The following SNX29 variants were observed in gnomAD, a reference collection of about 807,000 sequenced individuals.
The protein encoded by SNX29 is sorting nexin-29.
SNX29 carries 78 observed loss-of-function variants against 102.1 expected under a neutral mutation model. The observed-to-expected ratio is 0.76, with a 90% CI of 0.64 to 0.92. The LOEUF (loss-of-function observed/expected upper bound fraction) is 0.92, where lower values mean the gene tolerates loss of function less well. SNX29 is among the 40% of genes least tolerant of loss of function. The pLI, the probability that SNX29 is intolerant of heterozygous loss-of-function variation, is 0.00. For synonymous variants in SNX29, 580 were observed against 414.5 expected, an observed-to-expected ratio of 1.40 and a Z score of -4.85; for missense variants, 1,280 against 1,061.7, an observed-to-expected ratio of 1.21 and a Z score of -2.86.
chr16:12,047,690 T>C (rs2050143481), intron 6 of SNX29, among the ~76,000 whole-genome samples: 1 of 141,648 alleles, frequency 7.1e-6, no homozygotes, highest in African/African-American at 2.6e-5. Flanking sequence ...GGAGTTTCAC[T>C]CTCGTTGCCC....
intron 20 of SNX29, among the ~76,000 whole-genome samples, chr16:12,531,200 G>C (rs1041781337): frequency 2.6e-5 from 4 of 152,224 alleles, no homozygotes; most frequent in Non-Finnish European, 5.9e-5. Flanking sequence ...ACAGCTGCAA[G>C]AAGCAGGGAG....
intron 20 of SNX29, among the ~76,000 whole-genome samples, chr16:12,544,927 A>G (rs945030354): frequency 3.3e-5 from 5 of 152,216 alleles, no homozygotes; most frequent in Non-Finnish European, 7.3e-5. Flanking sequence ...TGTTATCATC[A>G]TCCCTTGTTC....
chr16:12,476,769 C>A (rs2087673963), intron 18 of SNX29, among the ~76,000 whole-genome samples: 1 of 151,974 alleles, frequency 6.6e-6, no homozygotes, highest in South Asian at 2.1e-4. Context: ...TCTATGGTCG[C>A]CATACTAGAG....
intron 17 of SNX29, 94 bp downstream of exon 17, chr16:12,398,595 C>T: frequency 7.2e-7 from 1 of 1,397,548 alleles, no homozygotes. Context: ...AAACAGAAAT[C>T]ACTGTTGAGA....
chr16:12,258,946 G>A (rs2078654232), intron 14 of SNX29, among the ~76,000 whole-genome samples: 1 of 152,076 alleles, frequency 6.6e-6, no homozygotes, highest in African/African-American at 2.4e-5. Context: ...CTCTCACTAT[G>A]ATAGCCTGGT....
At chr16:12,458,102 C>T (rs779118770) in intron 18 of SNX29, among the ~76,000 whole-genome samples, 22 of 152,206 alleles carry the variant, frequency 1.4e-4, no homozygotes, top group African/African-American at 5.3e-4. Flanking sequence ...GCAAAAAAGA[C>T]TGTGCATCTG....
intron 14 of SNX29, among the ~76,000 whole-genome samples, chr16:12,260,141 CA>C (rs1410687787): frequency 1.3e-5 from 2 of 152,190 alleles, no homozygotes; most frequent in Non-Finnish European, 2.9e-5. Flanking sequence ...AGTGAGCTTT[CA>C]ACGTGATTTC....
chr16:12,567,444 C>G (rs754243722), intron 20 of SNX29, among the ~76,000 whole-genome samples: 23 of 152,256 alleles, frequency 1.5e-4, no homozygotes, highest in South Asian at 1.4e-3. Context: ...ATTCCTAGCC[C>G]CAGAATTTAT....
intron 16 of SNX29, among the ~76,000 whole-genome samples, chr16:12,394,540 C>T (rs2083651184): frequency 6.6e-6 from 1 of 152,198 alleles, no homozygotes; most frequent in African/African-American, 2.4e-5. Context: ...TGTGGGCCGA[C>T]TGGGCTCAGC....
At chr16:12,200,537 C>A (rs1377977724) in intron 14 of SNX29, among the ~76,000 whole-genome samples, 1 of 151,640 alleles carries the variant, frequency 6.6e-6, no homozygotes, top group East Asian at 1.9e-4. Context: ...GGATGGAGTG[C>A]AGTGGCACAA....
intron 20 of SNX29, chr16:12,527,271 C>T (rs764134458): frequency 2.8e-5 from 15 of 532,124 alleles, no homozygotes; most frequent in South Asian, 1.2e-4. Flanking sequence ...TCCATGTGAT[C>T]GTGTCCTTTC....
chr16:12,513,307 C>T (rs2089715886), intron 19 of SNX29, among the ~76,000 whole-genome samples: 1 of 147,258 alleles, frequency 6.8e-6, no homozygotes. Flanking sequence ...TTGCCCTCCT[C>T]TCCCCTTCTC....
At position 12,547,638 on chromosome 16, in the gene SNX29, G is replaced by A. The variant is rs72773347; in HGVS notation, c.2319-20868G>A. On this transcript the variant is annotated intron_variant, in intron 20 of 20. Coordinates refer to ENST00000566228, the MANE Select transcript of SNX29 (RefSeq NM_032167.5). ...CACCACTAAGCTGTCCCATGGGATG[G>A]AGATATGATTCCCACCCCAAGCACC... Among the ~76,000 whole-genome samples the A allele has an allele frequency of 5.7e-3, 863 of 152,192 alleles. 4 individuals carry two copies. Among genetic ancestry groups the A allele is most frequent in the Non-Finnish European group, 9.3e-3 (630 of 68,012 alleles).
chr16:12,070,328 T>G (rs1248050633), intron 10 of SNX29, among the ~76,000 whole-genome samples: 3 of 79,184 alleles, frequency 3.8e-5, no homozygotes, highest in African/African-American at 5.1e-5. Context: ...CCCTCCCCCC[T>G]CCCCCCACCC....
At chr16:12,431,729 G>A (rs1036207269) in intron 18 of SNX29, among the ~76,000 whole-genome samples, 1 of 152,154 alleles carries the variant, frequency 6.6e-6, no homozygotes, top group African/African-American at 2.4e-5. Flanking sequence ...GAATTGAGGG[G>A]TGTTGCTCTT....
intron 15 of SNX29, among the ~76,000 whole-genome samples, chr16:12,318,398 G>A (rs1057445226): frequency 1.3e-5 from 2 of 152,170 alleles, no homozygotes; most frequent in African/African-American, 4.8e-5. Flanking sequence ...CCAGCAGGTA[G>A]AGAGTGTTGG....
At chr16:12,022,216 T>C (rs2057047952) in intron 3 of SNX29, among the ~76,000 whole-genome samples, 1 of 151,948 alleles carries the variant, frequency 6.6e-6, no homozygotes, top group Non-Finnish European at 1.5e-5. Flanking sequence ...TTTTTTTTCT[T>C]TGAGGCAGAG....
intron 18 of SNX29, among the ~76,000 whole-genome samples, chr16:12,459,316 C>T: frequency 6.6e-6 from 1 of 151,920 alleles, no homozygotes; most frequent in East Asian, 1.9e-4. Flanking sequence ...TCAGCTCTCT[C>T]CCTGTCATAC....
chr16:12,281,350 C>T (rs756237790), intron 15 of SNX29, among the ~76,000 whole-genome samples: 6 of 151,556 alleles, frequency 4.0e-5, no homozygotes, highest in Non-Finnish European at 7.4e-5. Context: ...TCTGCACATA[C>T]ACACTACACA....
Sources: allele counts gnomAD v4.1 joint callset (sites outside exome capture counted in the v4.1 genomes callset), GRCh38; gene constraint gnomAD v4.1.1; transcripts MANE v1.5; gene names NCBI Gene and HGNC (gene_info 2026-07-23, HGNC 2026-07-21).